DYNC2H1: variants seen among roughly 807,000 people sequenced by gnomAD.
The protein encoded by DYNC2H1 is dynein cytoplasmic 2 heavy chain 1.
Under a neutral mutation model 570.0 loss-of-function variants are expected in DYNC2H1, and 410 were observed. The ratio of observed to expected loss-of-function variants is 0.72; its 90% confidence interval spans 0.66 to 0.78. DYNC2H1 has a LOEUF of 0.78. Among genes scored for constraint, DYNC2H1 ranks in the 30% least tolerant of loss-of-function variants. The pLI, the probability that DYNC2H1 is intolerant of heterozygous loss-of-function variation, is 0.00. For missense variants in DYNC2H1, 4,865 were observed against 5,046.4 expected (o/e 0.96, Z 1.09); for synonymous variants, 1,688 against 1,677.6 (o/e 1.01, Z -0.15).
chr11:103,220,945 C>A (rs1416099363), intron 57 of DYNC2H1, among the ~76,000 whole-genome samples, 162 bp downstream of exon 57: 1 of 151,900 alleles, frequency 6.6e-6, no homozygotes, highest in Non-Finnish European at 1.5e-5. Context: ...AATCATATAT[C>A]AAGATCTATA....
Position 103,200,042 on chromosome 11 carries a change from G to T in DYNC2H1, c.8089-4G>T, listed in dbSNP as rs754455383. 3 of 1,568,450 alleles carry T rather than the reference G, an allele frequency of 1.9e-6. No individual in the cohort carries two copies. Among genetic ancestry groups the T allele is most frequent in the South Asian group, 2.4e-5 (2 of 84,828 alleles). ...GCACTAAAAAATATTTTCTGATTTT[G>T]CAGGTGCTGCAACTTGCAGGAATTG... On this transcript the variant is annotated splice_polypyrimidine_tract_variant and splice_region_variant and intron_variant, in intron 49 of 88. Coordinates refer to ENST00000375735, the MANE Select transcript of DYNC2H1 (RefSeq NM_001377.3).
intron 59 of DYNC2H1, among the ~76,000 whole-genome samples, chr11:103,229,705 T>A (rs1453317020): frequency 2.0e-5 from 3 of 152,190 alleles, no homozygotes; most frequent in Admixed American, 2.0e-4. Context: ...TGTATTCTTT[T>A]ATTATGAATT....
chr11:103,187,204 G>C (rs1862105546), intron 42 of DYNC2H1, 136 bp from the exon 43 acceptor site: 1 of 1,229,444 alleles, frequency 8.1e-7, no homozygotes, highest in Non-Finnish European at 1.1e-6. Flanking sequence ...AGCCATATCT[G>C]TATTTACCAT....
At position 103,134,364 on chromosome 11, in the gene DYNC2H1, G is replaced by T; in HGVS notation, c.2150G>T (p.Arg717Leu). 1 of 1,612,240 alleles carries T rather than the reference G, an allele frequency of 6.2e-7. No homozygotes were observed. The change falls in exon 15 of 89, where the codon CGC becomes CTC. Residue 717 changes from arginine to leucine, a missense_variant. By Grantham distance (102) the Arg-to-Leu change is moderately radical (BLOSUM62 -2). Transcript: ENST00000375735. ...MNIDLLRQQQ[R>L]WKDGLQELRT... ...ATTGATCTGCTTCGGCAGCAACAGCGCTGGAAAGATGGATTACAAGAATTG... is the reference window on the plus strand; with the variant it reads ...ATTGATCTGCTTCGGCAGCAACAGCTCTGGAAAGATGGATTACAAGAATTG...
rs1469752078 is a variant in DYNC2H1 at position 103,404,352 on chromosome 11, G to A, written c.12366+4480G>A. On this transcript the variant is annotated intron_variant, in intron 84 of 88. Transcript: ENST00000375735. ...TGGTTCTTCGAATGTGTGGTAAGGT[G>A]GTGGACAGCCGTAAAGTCACTCTAA... is the stretch of plus-strand genomic sequence containing the variant. The A allele has an allele frequency of 6.6e-5, 10 of 151,276 alleles. No individual in the cohort carries two copies. The East Asian group carries it at 1.9e-3, about 29-fold the overall frequency. The allele number at this position is 151,276 out of a possible 1,614,324, so 9.4% of individuals were successfully genotyped here.
In DYNC2H1 at chr11:103,326,168, G is replaced by C. The variant is rs1938461407; in HGVS notation, c.12039+2178G>C. 6.6e-6 allele frequency among the ~76,000 whole-genome samples: 1 copy of C among 152,166 alleles called. No individual in the cohort carries two copies. The highest frequency in any genetic ancestry group is 1.5e-5 in the Non-Finnish European group (1 of 68,024). On this transcript the variant is annotated intron_variant, in intron 82 of 88. Coordinates refer to ENST00000375735, the MANE Select transcript of DYNC2H1 (RefSeq NM_001377.3). The surrounding 1 kb of genome is among the most constrained non-coding windows in gnomAD (Gnocchi z 6.1). ...GCTTAGGAGTAGTGGCTGGTAGATAGGCTCTTACTTAGCCCTGTGGTTTTT... is the reference window on the plus strand; with the variant it reads ...GCTTAGGAGTAGTGGCTGGTAGATACGCTCTTACTTAGCCCTGTGGTTTTT...
At chr11:103,131,188 A>C (rs1591287461) in intron 13 of DYNC2H1, among the ~76,000 whole-genome samples, 2 of 152,220 alleles carry the variant, frequency 1.3e-5, no homozygotes, top group South Asian at 4.1e-4. Context: ...ATACATTGAA[A>C]CCACTTCAGA....
rs143782131 is a variant in DYNC2H1, at chr11:103,216,447, C to G, written c.8832+589C>G. ...ACTACCAGCTACATATAACTGTTTT[C>G]AAATTCATCTTTTTTATTCTTTATC... On this transcript the variant is annotated intron_variant, in intron 55 of 88. Coordinates refer to ENST00000375735, the MANE Select transcript of DYNC2H1 (RefSeq NM_001377.3). Among the ~76,000 whole-genome samples the G allele has an allele frequency of 5.6e-3, 857 of 152,156 alleles. 4 individuals carry two copies. The highest frequency in any genetic ancestry group is 0.019 in the African/African-American group (785 of 41,514).
intron 88 of DYNC2H1, among the ~76,000 whole-genome samples, chr11:103,474,323 C>T (rs999997146): frequency 3.3e-5 from 5 of 152,062 alleles, no homozygotes; most frequent in African/African-American, 4.8e-5. Context: ...CTATCATTTC[C>T]TCTTCTAAAA....
At chr11:103,436,712 A>G (rs1944076275) in intron 85 of DYNC2H1, among the ~76,000 whole-genome samples, 2 of 152,000 alleles carry the variant, frequency 1.3e-5, no homozygotes, top group Non-Finnish European at 2.9e-5. Context: ...TCCCTGCTCC[A>G]CCTTTGAACC....
At chr11:103,316,358 A>G (rs1360356413) in intron 79 of DYNC2H1, among the ~76,000 whole-genome samples, 187 bp from the exon 80 acceptor site, 2 of 151,944 alleles carry the variant, frequency 1.3e-5, no homozygotes, top group Non-Finnish European at 2.9e-5. Flanking sequence ...TTTTCATGCT[A>G]TGGCCAGTTA....
chr11:103,150,152 A>G (rs1860464968), intron 20 of DYNC2H1, among the ~76,000 whole-genome samples: 1 of 152,198 alleles, frequency 6.6e-6, no homozygotes, highest in Non-Finnish European at 1.5e-5. Flanking sequence ...CAGATTACGA[A>G]GATGCTTTTA....
intron 75 of DYNC2H1, among the ~76,000 whole-genome samples, chr11:103,294,899 G>A (rs1180179532): frequency 4.6e-5 from 7 of 152,194 alleles, no homozygotes; most frequent in Non-Finnish European, 1.0e-4. Context: ...TTATTTTCCT[G>A]TGACTGGTCT....
Position 103,245,319 on chromosome 11 carries a change from G to A in DYNC2H1, c.9987G>A (p.Met3329Ile), listed in dbSNP as rs1293842227. Residue 3329 changes from methionine to isoleucine, a missense_variant, in exon 65 of 89, where the codon ATG becomes ATA. Transcript: ENST00000375735. This position sits in a 1 kb window ranked among gnomAD's most constrained non-coding sequence, Gnocchi z 4.5. ...RFGKTLIIQE[M>I]DGVEPVLYPL... Reference sequence around the variant, plus strand: ...GGAAAACCCTTATTATACAAGAGATGGATGGTGTAGAACCTGTTCTTTATC... The same window carrying A: ...GGAAAACCCTTATTATACAAGAGATAGATGGTGTAGAACCTGTTCTTTATC... 1 of 1,572,878 alleles carries A rather than the reference G, an allele frequency of 6.4e-7. No individual in the cohort carries two copies. The highest frequency in any genetic ancestry group is 1.9e-5 in the Admixed American group (1 of 54,048).
At chr11:103,153,665 A>G (rs1455604437) in intron 22 of DYNC2H1, among the ~76,000 whole-genome samples, 157 bp downstream of exon 22, 3 of 152,078 alleles carry the variant, frequency 2.0e-5, no homozygotes, top group Non-Finnish European at 4.4e-5. Context: ...CTGTTGTCTT[A>G]GGAGTCATAG....
At chr11:103,418,641 C>A (rs1237517668) in intron 84 of DYNC2H1, among the ~76,000 whole-genome samples, 1 of 152,124 alleles carries the variant, frequency 6.6e-6, no homozygotes, top group Non-Finnish European at 1.5e-5. Context: ...ACTGAAATAT[C>A]CATGTTCTCG....
At chr11:103,335,911 T>G (rs928950938) in intron 82 of DYNC2H1, among the ~76,000 whole-genome samples, 1 of 152,146 alleles carries the variant, frequency 6.6e-6, no homozygotes, top group Non-Finnish European at 1.5e-5. Flanking sequence ...CAGGGAGGTT[T>G]TTATTTTTCC....
At chr11:103,160,894 A>T in intron 28 of DYNC2H1, 38 bp from the exon 29 acceptor site, 1 of 1,210,540 alleles carries the variant, frequency 8.3e-7, no homozygotes, top group Non-Finnish European at 1.2e-6. Flanking sequence ...TTATGTCTTT[A>T]ATCCTTTTGC....
At chr11:103,183,937 A>G (rs559068227) in intron 40 of DYNC2H1, among the ~76,000 whole-genome samples, 2 of 152,102 alleles carry the variant, frequency 1.3e-5, no homozygotes, top group African/African-American at 4.8e-5. Context: ...ATTCCTTACC[A>G]TGTCTGATAA....
Sources: allele counts gnomAD v4.1 joint callset (sites outside exome capture counted in the v4.1 genomes callset), GRCh38; gene constraint gnomAD v4.1.1; non-coding constraint Gnocchi (gnomAD v3.1); transcripts MANE v1.5; gene names NCBI Gene and HGNC (gene_info 2026-07-23, HGNC 2026-07-21).